The following BABAM2 variants were observed in gnomAD, a reference collection of about 807,000 sequenced individuals.
BABAM2 encodes the protein BRISC and BRCA1 A complex member 2.
Under a neutral mutation model 54.7 loss-of-function variants are expected in BABAM2, and 31 were observed. The observed-to-expected ratio is 0.57, with a 90% CI of 0.43 to 0.77. BABAM2 has a LOEUF of 0.77. BABAM2 is among the 30% of genes least tolerant of loss of function. The pLI is 0.00. For synonymous variants in BABAM2, 167 were observed against 162.9 expected (o/e 1.03, Z -0.19); for missense variants, 364 against 455.8 (o/e 0.80, Z 1.83).
Position 28,026,645 on chromosome 2 carries a change from T to A in BABAM2, c.495+1225T>A, listed in dbSNP as rs1167921787. Among the ~76,000 whole-genome samples the A allele has an allele frequency of 4.1e-5, 6 of 147,804 alleles. No homozygotes were observed. The South Asian group carries it at 1.0e-3, about 26-fold the overall frequency. On this transcript the variant is annotated intron_variant, in intron 5 of 11. Coordinates refer to ENST00000379624, the MANE Select transcript of BABAM2 (RefSeq NM_199191.3). ...ATACCTGATGTAGATGATGGGTTGA[T>A]GGGTGCAGCAAACCACCATGGCATG...
At chr2:28,000,179 A>C (rs1673479708) in intron 4 of BABAM2, among the ~76,000 whole-genome samples, 1 of 152,126 alleles carries the variant, frequency 6.6e-6, no homozygotes, top group African/African-American at 2.4e-5. Context: ...CCGATTTTAA[A>C]AATTTTTTCT....
At chr2:28,169,349 C>T (rs1176277566) in intron 7 of BABAM2, among the ~76,000 whole-genome samples, 2 of 152,102 alleles carry the variant, frequency 1.3e-5, no homozygotes, top group Non-Finnish European at 2.9e-5. Context: ...GTGTTAAAAA[C>T]CTTTAATACT....
intron 6 of BABAM2, among the ~76,000 whole-genome samples, chr2:28,104,517 A>G (rs911701328): frequency 1.3e-5 from 2 of 152,170 alleles, no homozygotes; most frequent in Non-Finnish European, 2.9e-5. Context: ...TAGAATGGTG[A>G]TCATTAAAAA....
At chr2:28,108,965 C>T (rs979157007) in intron 6 of BABAM2, among the ~76,000 whole-genome samples, 4 of 152,006 alleles carry the variant, frequency 2.6e-5, no homozygotes, top group East Asian at 1.9e-4. Flanking sequence ...TTTCTCCCTT[C>T]GTAAATTTGT....
intron 3 of BABAM2, among the ~76,000 whole-genome samples, chr2:27,969,791 C>T (rs866904315): frequency 3.3e-4 from 50 of 152,276 alleles, no homozygotes; most frequent in Admixed American, 7.8e-4. Flanking sequence ...TGGCTGGCAT[C>T]TAGTGGGTAG....
At chr2:28,207,677 GA>G (rs145705541) in intron 7 of BABAM2, among the ~76,000 whole-genome samples, 18,498 of 151,870 alleles carry the variant, frequency 0.12, 1,469 homozygotes, top group Non-Finnish European at 0.18. Context: ...TACTTGAGGG[GA>G]AAAAAAATAA....
At chr2:28,167,877 G>C (rs898238309) in intron 7 of BABAM2, among the ~76,000 whole-genome samples, 1 of 152,000 alleles carries the variant, frequency 6.6e-6, no homozygotes, top group African/African-American at 2.4e-5. Context: ...TGTTTTTCCT[G>C]CACTCTCATT....
chr2:27,989,547 C>G (rs1337682525), intron 4 of BABAM2, among the ~76,000 whole-genome samples: 1 of 152,030 alleles, frequency 6.6e-6, no homozygotes, highest in Non-Finnish European at 1.5e-5. Flanking sequence ...AAGGGATCAA[C>G]AAGGTTAGAA....
intron 11 of BABAM2, among the ~76,000 whole-genome samples, chr2:28,335,304 G>A (rs1691348369): frequency 6.6e-6 from 1 of 151,796 alleles, no homozygotes; most frequent in African/African-American, 2.4e-5. Context: ...CAAGTAGCTG[G>A]GACTACAAGC....
intron 3 of BABAM2, among the ~76,000 whole-genome samples, chr2:27,949,630 AC>A (rs1669558542): frequency 6.6e-6 from 1 of 152,124 alleles, no homozygotes. Context: ...TGATAATCAT[AC>A]TCTAAAAGAA....
chr2:27,933,801 T>A (rs1483061873), intron 3 of BABAM2, among the ~76,000 whole-genome samples: 1 of 145,864 alleles, frequency 6.9e-6, no homozygotes, highest in Non-Finnish European at 1.5e-5. Context: ...ACAGTCTTGC[T>A]ATGTTGCCCA....
intron 7 of BABAM2, among the ~76,000 whole-genome samples, chr2:28,156,446 C>A (rs1672551928): frequency 6.6e-6 from 1 of 152,052 alleles, no homozygotes; most frequent in South Asian, 2.1e-4. Flanking sequence ...GACTACAAAG[C>A]TTGGCAGGTA....
At chr2:28,317,048 C>T (rs905351384) in intron 11 of BABAM2, among the ~76,000 whole-genome samples, 11 of 152,104 alleles carry the variant, frequency 7.2e-5, no homozygotes, top group African/African-American at 2.4e-4. Context: ...CCCCCAGACC[C>T]CCACTTGGCT....
intron 7 of BABAM2, among the ~76,000 whole-genome samples, chr2:28,194,572 A>G (rs553997041): frequency 3.2e-4 from 41 of 127,670 alleles, no homozygotes; most frequent in African/African-American, 7.5e-4. Flanking sequence ...ATTACAACGT[A>G]GACTTTTTTT....
At chr2:28,303,232 G>A (rs191897443) in intron 11 of BABAM2, among the ~76,000 whole-genome samples, 43 of 152,118 alleles carry the variant, frequency 2.8e-4, no homozygotes, top group South Asian at 1.2e-3. Context: ...TGTTTTTTAC[G>A]TTAATGCTCT....
intron 11 of BABAM2, among the ~76,000 whole-genome samples, chr2:28,326,063 G>A (rs930374454): frequency 6.6e-6 from 1 of 152,208 alleles, no homozygotes; most frequent in Non-Finnish European, 1.5e-5. Flanking sequence ...GTGACTTGGG[G>A]CCTGGACCCA....
intron 3 of BABAM2, among the ~76,000 whole-genome samples, chr2:27,958,288 A>T (rs572907386): frequency 3.3e-3 from 497 of 152,134 alleles, no homozygotes; most frequent in Non-Finnish European, 6.2e-3. Context: ...AGGAGGGTGG[A>T]AGAGATGGGG....
intron 7 of BABAM2, among the ~76,000 whole-genome samples, chr2:28,152,530 G>C (rs551047404): frequency 6.6e-6 from 1 of 152,104 alleles, no homozygotes; most frequent in African/African-American, 2.4e-5. Flanking sequence ...AGTCTTCCTC[G>C]GTTTTACTGT....
At chr2:28,149,031 A>T (rs1386397819) in intron 7 of BABAM2, among the ~76,000 whole-genome samples, 1 of 152,194 alleles carries the variant, frequency 6.6e-6, no homozygotes, top group East Asian at 1.9e-4. Flanking sequence ...ATTAATAGCA[A>T]TGCATTTTCC....
Sources: gnomAD v4.1 joint callset for allele counts (sites outside exome capture counted in the v4.1 genomes callset) on GRCh38, gnomAD v4.1.1 for gene constraint, MANE v1.5 for transcripts, NCBI Gene and HGNC (gene_info 2026-07-23, HGNC 2026-07-21) for gene names.